Variants in ARHGAP35 observed in about 807,000 individuals in gnomAD.
ARHGAP35 encodes the protein Rho GTPase activating protein 35.
A neutral mutation model predicts 111.1 loss-of-function variants in ARHGAP35; 15 were observed. That is an observed-to-expected ratio of 0.13 (90% confidence interval 0.09 to 0.21). The LOEUF (loss-of-function observed/expected upper bound fraction) is 0.21. ARHGAP35 is among the 10% of genes least tolerant of loss of function. ARHGAP35 has a pLI of 1.00. For synonymous variants in ARHGAP35, 643 were observed against 710.3 expected, an observed-to-expected ratio of 0.91 and a Z score of 1.51; for missense variants, 1,262 against 1,873.0, an observed-to-expected ratio of 0.67 and a Z score of 6.02.
intron 3 of ARHGAP35, among the ~76,000 whole-genome samples, chr19:46,959,022 G>T (rs527578053): frequency 1.4e-5 from 2 of 142,238 alleles, no homozygotes; most frequent in South Asian, 4.3e-4. Context: ...GTTTTTAAAC[G>T]AAGTACAGTT....
At chr19:46,915,484 T>C (rs951622488) in intron 1 of ARHGAP35, among the ~76,000 whole-genome samples, 1 of 152,188 alleles carries the variant, frequency 6.6e-6, no homozygotes, top group African/African-American at 2.4e-5. Flanking sequence ...CTGTGACCTT[T>C]TGAGGTTATC....
At chr19:46,960,124 A>G (rs549893316) in intron 3 of ARHGAP35, among the ~76,000 whole-genome samples, 88 of 151,478 alleles carry the variant, frequency 5.8e-4, no homozygotes, top group South Asian at 2.1e-3. Flanking sequence ...AAAAAAAAAA[A>G]AAAGAAAGAA....
rs563749772 is a variant in ARHGAP35 at position 46,957,118 on chromosome 19, C to G, written c.3826+19710C>G. ...CTGGGACTACAGGCACACACCACCACGCCCAACTAATTTTTTGTATTTTTA... is the reference window on the plus strand; with the variant it reads ...CTGGGACTACAGGCACACACCACCAGGCCCAACTAATTTTTTGTATTTTTA... On this transcript the variant is annotated intron_variant, in intron 3 of 6. Coordinates refer to ENST00000672722, the MANE Select transcript of ARHGAP35 (RefSeq NM_004491.5). 2.6e-5 allele frequency among the ~76,000 whole-genome samples: 4 copies of G among 151,894 alleles called. No homozygotes were observed. The East Asian group carries it at 7.8e-4, about 30-fold the overall frequency.
At position 46,942,544 on chromosome 19, in the gene ARHGAP35, G is replaced by A. The variant is rs970038706; in HGVS notation, c.3826+5136G>A. On this transcript the variant is annotated intron_variant, in intron 3 of 6. Coordinates refer to ENST00000672722, the MANE Select transcript of ARHGAP35 (RefSeq NM_004491.5). ...CCCAGCTATTCGGGAGGCTGAGGTG[G>A]GAGAATTACTTGAACCCACGAGGCG... Among the ~76,000 whole-genome samples, 16 of 152,238 alleles carry A rather than the reference G, an allele frequency of 1.1e-4. 1 individual carries two copies. In the South Asian group the frequency reaches 3.1e-3, roughly 30 times the overall value.
chr19:46,967,111 A>G (rs2056520112), intron 3 of ARHGAP35, among the ~76,000 whole-genome samples: 1 of 144,404 alleles, frequency 6.9e-6, no homozygotes, highest in South Asian at 2.2e-4. Flanking sequence ...GGCTTTTCAG[A>G]TTTTTTTTTT....
At chr19:46,960,150 G>A (rs773255169) in intron 3 of ARHGAP35, among the ~76,000 whole-genome samples, 2 of 150,706 alleles carry the variant, frequency 1.3e-5, no homozygotes, top group Non-Finnish European at 3.0e-5. Context: ...AAAGTAACCC[G>A]ATCTTGTTGA....
At chr19:46,930,629 G>C (rs951267993) in intron 2 of ARHGAP35, among the ~76,000 whole-genome samples, 2 of 149,248 alleles carry the variant, frequency 1.3e-5, no homozygotes, top group Non-Finnish European at 3.0e-5. Flanking sequence ...ATCTAGATAA[G>C]TAACTTTACA....
rs759485600 is a variant in ARHGAP35 at position 46,992,604 on chromosome 19, A to G, written c.4036+2929A>G. On this transcript the variant is annotated intron_variant, in intron 5 of 6. Transcript: ENST00000672722. This position sits in a 1 kb window ranked among gnomAD's most constrained non-coding sequence, Gnocchi z 4.4. ...AGCTGGTGTCCACAGGCCCTGTCCTATGGCTTTTGTGCTGGAAGGGGTGCT... is the reference window on the plus strand; with the variant it reads ...AGCTGGTGTCCACAGGCCCTGTCCTGTGGCTTTTGTGCTGGAAGGGGTGCT... Among the ~76,000 whole-genome samples, 4 of 151,490 alleles carry G rather than the reference A, an allele frequency of 2.6e-5. No individual in the cohort carries two copies. Among genetic ancestry groups the G allele is most frequent in the Non-Finnish European group, 4.4e-5 (3 of 67,926 alleles).
intron 1 of ARHGAP35, among the ~76,000 whole-genome samples, chr19:46,915,356 T>C (rs1022137294): frequency 1.3e-5 from 2 of 152,150 alleles, no homozygotes; most frequent in Admixed American, 6.5e-5. Context: ...CCTACAGTCA[T>C]TGAGATTTTT....
At chr19:46,923,493 C>T (rs553063619) in intron 2 of ARHGAP35, among the ~76,000 whole-genome samples, 134 of 152,016 alleles carry the variant, frequency 8.8e-4, no homozygotes, top group Admixed American at 1.7e-3. Context: ...ACTCTGTCCC[C>T]TTGGGTTTAG....
rs893346329 is a variant in ARHGAP35, at chr19:46,989,195, G to A, written c.3905-349G>A. On this transcript the variant is annotated intron_variant, in intron 4 of 6. Transcript: ENST00000672722. The surrounding 1 kb of genome is among the most constrained non-coding windows in gnomAD (Gnocchi z 5.3). ...AAGCGAGCCACCCTTTAGGAAAGCC[G>A]CCTCCTTCTTCTGTGATGGGAAGGG... 3.7e-5 allele frequency: 7 copies of A among 187,088 alleles called. No homozygotes were observed. The highest frequency in any genetic ancestry group is 2.4e-4 in the South Asian group (2 of 8,264). The allele number at this position is 187,088 out of a possible 1,614,324, so 11.6% of individuals were successfully genotyped here. A position where few individuals can be genotyped will look rare whatever the true frequency, so the allele number is the denominator to read the frequency against.
chr19:46,861,381 G>C (rs2055825954), intron 1 of ARHGAP35, among the ~76,000 whole-genome samples, 172 bp downstream of exon 1: 1 of 139,318 alleles, frequency 7.2e-6, no homozygotes, highest in Admixed American at 7.1e-5. Context: ...CGTCCCCGTC[G>C]CTTCGCGCGT....
chr19:46,888,392 T>C (rs1194428284), intron 1 of ARHGAP35, among the ~76,000 whole-genome samples: 1 of 134,516 alleles, frequency 7.4e-6, no homozygotes, highest in Non-Finnish European at 1.6e-5. Context: ...AGGCTCCTGC[T>C]CACACCTTCT....
chr19:46,991,593 C>T (rs2056679556), intron 5 of ARHGAP35, among the ~76,000 whole-genome samples: 1 of 152,106 alleles, frequency 6.6e-6, no homozygotes, highest in Non-Finnish European at 1.5e-5. Flanking sequence ...GTTTCCTGTC[C>T]CCGACGGTAC....
At chr19:46,870,478 C>A (rs932528658) in intron 1 of ARHGAP35, among the ~76,000 whole-genome samples, 2 of 151,850 alleles carry the variant, frequency 1.3e-5, no homozygotes, top group Middle Eastern at 6.8e-3. Context: ...ACTCAGGAGG[C>A]TGAGGTAGGA....
At chr19:46,943,886 C>T (rs188002057) in intron 3 of ARHGAP35, among the ~76,000 whole-genome samples, 38 of 152,198 alleles carry the variant, frequency 2.5e-4, no homozygotes, top group African/African-American at 9.1e-4. Flanking sequence ...GCACGGCCAG[C>T]GGGAGTGGAG....
intron 3 of ARHGAP35, among the ~76,000 whole-genome samples, chr19:46,984,808 G>C (rs2122329133): frequency 6.6e-6 from 1 of 152,322 alleles, no homozygotes; most frequent in East Asian, 1.9e-4. Flanking sequence ...ACTGATAATT[G>C]CCAGATCGCT....
Position 46,919,667 on chromosome 19 carries a change from A to C in ARHGAP35, c.992A>C (p.Glu331Ala). Residue 331 changes from glutamate (E) to alanine (A), a missense_variant, in exon 2 of 7, where the codon GAG (glutamate) becomes GCG (alanine). Coordinates refer to ENST00000672722, the MANE Select transcript of ARHGAP35 (RefSeq NM_004491.5). The surrounding 1 kb of genome is among the most constrained non-coding windows in gnomAD (Gnocchi z 6.2). ...FLQHIHRLKH[E>A]HIERRRKLYL... The stretch of plus-strand genomic sequence containing the variant: ...CAGCACATCCACCGCCTCAAGCATG[A>C]GCATATCGAGCGTAGGAGAAAGCTG... The C allele has an allele frequency of 1.9e-6, 3 of 1,613,996 alleles. No individual in the cohort carries two copies. The highest frequency in any genetic ancestry group is 2.5e-6 in the Non-Finnish European group (3 of 1,179,884).
rs1034379133 is a variant in ARHGAP35, at chr19:46,960,110, C to CAA, written c.3826+22718_3826+22719dup. On this transcript the variant is annotated intron_variant, in intron 3 of 6. Transcript: ENST00000672722. ...GGGCAACAGAGCAAGACCTGTCTCA[C>CAA]AAAAAAAAAAAAAAAAAGAAAGAAA... is the stretch of plus-strand genomic sequence containing the variant. Among the ~76,000 whole-genome samples, 55 of 57,610 alleles carry CAA rather than the reference C, an allele frequency of 9.5e-4. 1 individual carries two copies. The highest frequency in any genetic ancestry group is 3.1e-3 in the African/African-American group (48 of 15,404). 37.8% of individuals were successfully genotyped at this position (57,610 alleles called of 152,430 possible). A position where few individuals can be genotyped will look rare whatever the true frequency, so the allele number is the denominator to read the frequency against.
Sources: gnomAD v4.1 joint callset for allele counts (sites outside exome capture counted in the v4.1 genomes callset) on GRCh38, gnomAD v4.1.1 for gene constraint, Gnocchi (gnomAD v3.1) non-coding constraint, MANE v1.5 for transcripts, NCBI Gene and HGNC (gene_info 2026-07-23, HGNC 2026-07-21) for gene names.